The following C2CD2L variants were observed in gnomAD, a reference collection of about 807,000 sequenced individuals.
The protein encoded by C2CD2L is C2CD2 like.
In C2CD2L, 24 loss-of-function variants were observed where a neutral mutation model predicts 69.9. The ratio of observed to expected loss-of-function variants is 0.34; its 90% CI spans 0.25 to 0.48. C2CD2L has a LOEUF of 0.48. Among genes scored for constraint, C2CD2L ranks in the 20% least tolerant of loss-of-function variants. The pLI is 0.99. For synonymous variants in C2CD2L, 367 were observed against 391.0 expected (o/e 0.94, Z 0.72); for missense variants, 811 against 941.5 (o/e 0.86, Z 1.81).
At position 119,114,258 on chromosome 11, in the gene C2CD2L, A is replaced by T. The variant is rs1302859221; in HGVS notation, c.1802A>T (p.Asp601Val). 6.2e-7 allele frequency: 1 copy of T among 1,614,128 alleles called. No homozygotes were observed. The highest frequency in any genetic ancestry group is 8.5e-7 in the Non-Finnish European group (1 of 1,179,998). ...AGTCCCACAAGTGTCCAGGAAGCAGACGAGACAACCCGTTCGGATATTTCT... is the reference window on the plus strand; with the variant it reads ...AGTCCCACAAGTGTCCAGGAAGCAGTCGAGACAACCCGTTCGGATATTTCT... ...LSSPTSVQEADETTRSDISER... is the reference protein window; with the variant it reads ...LSSPTSVQEAVETTRSDISER... The change falls in exon 13 of 14, where the codon GAC (aspartate) becomes GTC (valine). Residue 601 changes from aspartate (D) to valine (V), a missense_variant. Asp to Val is a radical substitution (Grantham distance 152, BLOSUM62 -3). Transcript: ENST00000648610. This position sits in a 1 kb window ranked among gnomAD's most constrained non-coding sequence, Gnocchi z 5.1.
chr11:119,108,189 A>G (rs1423416992), intron 1 of C2CD2L, 94 bp downstream of exon 1: 1 of 790,652 alleles, frequency 1.3e-6, no homozygotes, highest in Non-Finnish European at 2.0e-6. Context: ...GAGGGTGGGC[A>G]TAAACTGGGG....
At chr11:119,115,347 G>C (rs1324264046) in intron 13 of C2CD2L, 1 of 152,010 alleles carries the variant, frequency 6.6e-6, no homozygotes, top group Non-Finnish European at 1.5e-5. Flanking sequence ...TTATCCATCT[G>C]GCAGCAAGAC....
In C2CD2L at chr11:119,109,901, T is replaced by C. The variant is rs922460616; in HGVS notation, c.355-203T>C. On this transcript the variant is annotated intron_variant, in intron 1 of 13. Transcript: ENST00000648610. The surrounding 1 kb of genome is among the most constrained non-coding windows in gnomAD (Gnocchi z 5.1). ...GGTGGACTACCTCCCCATTGCTCAG[T>C]GGCTCCTAGCAGCTACAGGCCCCTG... Among the ~76,000 whole-genome samples, 1 of 151,966 alleles carries C rather than the reference T, an allele frequency of 6.6e-6. No homozygotes were observed. Among genetic ancestry groups the C allele is most frequent in the Admixed American group, 6.6e-5 (1 of 15,266 alleles).
chr11:119,113,587 C>T (rs1946805717), intron 10 of C2CD2L, 24 bp from the exon 11 acceptor site: 2 of 1,603,424 alleles, frequency 1.2e-6, no homozygotes, highest in Admixed American at 1.7e-5. Flanking sequence ...ACTCCCAGCT[C>T]ACTGACCCTC....
rs1460840236 is a variant in C2CD2L at position 119,117,937 on chromosome 11, A to G, written c.*1681A>G. 2.0e-5 allele frequency: 3 copies of G among 152,190 alleles called. No individual in the cohort carries two copies. Among genetic ancestry groups the G allele is most frequent in the South Asian group, 2.1e-4 (1 of 4,830 alleles). The allele number at this position is 152,190 out of a possible 1,614,324, so 9.4% of individuals were successfully genotyped here. A position where few individuals can be genotyped will look rare whatever the true frequency, so the allele number is the denominator to read the frequency against. ...AGGTCACTTCCAGCCTTGACATTCT[A>G]TGACTACCTATATCTCAGGGTGTTT... On this transcript the variant is annotated 3_prime_UTR_variant, in exon 14 of 14. Coordinates refer to ENST00000648610, the MANE Select transcript of C2CD2L (RefSeq NM_001290474.2).
At position 119,107,632 on chromosome 11, in the gene C2CD2L, G is replaced by A; in HGVS notation, c.-110G>A. The A allele has an allele frequency of 1.8e-6, 1 of 565,204 alleles. No individual in the cohort carries two copies. The highest frequency in any genetic ancestry group is 3.8e-5 in the South Asian group (1 of 26,502). The allele number at this position is 565,204 out of a possible 1,614,324, so 35.0% of individuals were successfully genotyped here. On this transcript the variant is annotated 5_prime_UTR_variant, in exon 1 of 14. Coordinates refer to ENST00000648610, the MANE Select transcript of C2CD2L (RefSeq NM_001290474.2). The surrounding 1 kb of genome is among the most constrained non-coding windows in gnomAD (Gnocchi z 5.4). The stretch of plus-strand genomic sequence containing the variant: ...AGCCGCGGAGAGCCCCCGACCCCGC[G>A]CGCCCAGCCCCGGGGGAGCCCACCT...
rs201774483 is a variant in C2CD2L, at chr11:119,110,672, C to A, written c.562C>A (p.Pro188Thr). Residue 188 changes from proline to threonine, a missense_variant, in exon 3 of 14, where the codon CCA becomes ACA. By Grantham distance (38) the Pro-to-Thr change is conservative (BLOSUM62 -1). Transcript: ENST00000648610. This position sits in a 1 kb window ranked among gnomAD's most constrained non-coding sequence, Gnocchi z 5.7. The stretch of plus-strand genomic sequence containing the variant: ...CTACCACGTCACTCTGACACTGCCA[C>A]CAACACAGGTAGAAGGGGATGTGGG... ...ETYHVTLTLPPTQLEVNLEEI... is the reference protein window; with the variant it reads ...ETYHVTLTLPTTQLEVNLEEI... The A allele has an allele frequency of 2.2e-4, 362 of 1,613,910 alleles. No homozygotes were observed. The highest frequency in any genetic ancestry group is 2.9e-4 in the Non-Finnish European group (347 of 1,180,018).
chr11:119,108,785 G>A (rs1946660147), intron 1 of C2CD2L, among the ~76,000 whole-genome samples: 2 of 152,230 alleles, frequency 1.3e-5, no homozygotes, highest in Non-Finnish European at 2.9e-5. Flanking sequence ...ATGGAGATAA[G>A]GTGGGAGGTA....
In C2CD2L at chr11:119,110,718, G is replaced by A. The variant is rs753471771; in HGVS notation, c.570+38G>A. 5.7e-5 allele frequency: 92 copies of A among 1,611,896 alleles called. No individual in the cohort carries two copies. In the South Asian group the frequency reaches 8.7e-4, roughly 15 times the overall value. On this transcript the variant is annotated intron_variant, in intron 3 of 13. Transcript: ENST00000648610. This position sits in a 1 kb window ranked among gnomAD's most constrained non-coding sequence, Gnocchi z 5.7. ...GTGGGAAACTGAGTTGGGCAGGGGC[G>A]GTTCCATTGGCTCAGCTTCTTCCAT...
upstream of C2CD2L, among the ~76,000 whole-genome samples, chr11:119,104,381 A>G (rs1946551374): frequency 6.6e-6 from 1 of 152,086 alleles, no homozygotes; most frequent in Admixed American, 6.5e-5. Context: ...CCTCCCTACC[A>G]CCACCCTCCT....
rs552870663 is a variant in C2CD2L at position 119,116,760 on chromosome 11, C to G, written c.*504C>G. The G allele has an allele frequency of 1.7e-4, 27 of 161,204 alleles. No individual in the cohort carries two copies. The highest frequency in any genetic ancestry group is 1.7e-4 in the Non-Finnish European group (12 of 72,088). 10.0% of individuals were successfully genotyped at this position (161,204 alleles called of 1,614,324 possible). On this transcript the variant is annotated 3_prime_UTR_variant, in exon 14 of 14. Transcript: ENST00000648610. The stretch of plus-strand genomic sequence containing the variant: ...ACCTCCCTCAGGTCCCCACTCAGAC[C>G]AGCACCAGTGTCTGCCTCTGAGAAT...
chr11:119,102,386 C>A, upstream of C2CD2L: 1 of 465,632 alleles, frequency 2.1e-6, no homozygotes, highest in Admixed American at 2.4e-5. Flanking sequence ...GTAAACACAA[C>A]TCAGTTCCCG....
At chr11:119,115,254 CAAAAAAAAA>C (rs61085631) in intron 13 of C2CD2L, 2 of 113,810 alleles carry the variant, frequency 1.8e-5, no homozygotes, top group Non-Finnish European at 1.9e-5. Flanking sequence ...GACTCTGTCT[CAAAAAAAAA>C]AAAAAAAAAA....
At position 119,113,722 on chromosome 11, in the gene C2CD2L, G is replaced by C; in HGVS notation, c.1489+10G>C. On this transcript the variant is annotated intron_variant, in intron 11 of 13. Coordinates refer to ENST00000648610, the MANE Select transcript of C2CD2L (RefSeq NM_001290474.2). ...TCCCATAGCAGCAGCCGTGAGTGGGGAATGGGGTGCATGAGTGTGGGTTGG... is the reference window on the plus strand; with the variant it reads ...TCCCATAGCAGCAGCCGTGAGTGGGCAATGGGGTGCATGAGTGTGGGTTGG... 1 of 1,614,030 alleles carries C rather than the reference G, an allele frequency of 6.2e-7. No homozygotes were observed. The highest frequency in any genetic ancestry group is 8.5e-7 in the Non-Finnish European group (1 of 1,179,892).
At position 119,111,184 on chromosome 11, in the gene C2CD2L, AAGCAAAAG is replaced by A; in HGVS notation, c.798+18_798+25del. 1 of 1,612,728 alleles carries A rather than the reference AAGCAAAAG, an allele frequency of 6.2e-7. No individual in the cohort carries two copies. The highest frequency in any genetic ancestry group is 8.5e-7 in the Non-Finnish European group (1 of 1,178,844). On this transcript the variant is annotated intron_variant, in intron 5 of 13. Coordinates refer to ENST00000648610, the MANE Select transcript of C2CD2L (RefSeq NM_001290474.2). ...AGGAGGCCTGGTGAGTTGGCACCCA[AAGCAAAAG>A]ATTTGCATGCACCTTGTTCCTAGGG...
chr11:119,104,035 G>A (rs1308516248), upstream of C2CD2L, among the ~76,000 whole-genome samples: 1 of 152,174 alleles, frequency 6.6e-6, no homozygotes, highest in Non-Finnish European at 1.5e-5. Context: ...GAGGACTGAG[G>A]GCAATAGGTG....
At position 119,108,050 on chromosome 11, in the gene C2CD2L, G is replaced by C. The variant is rs1199619172; in HGVS notation, c.309G>C (p.Gln103His). ...FAFKSFRENWQRAWVRALNEQ... is the reference protein window; with the variant it reads ...FAFKSFRENWHRAWVRALNEQ... ...TCAAGTCTTTCCGGGAGAACTGGCA[G>C]CGGGCTTGGGTGCGAGCGCTGAACG... Residue 103 changes from glutamine (Q) to histidine (H), a missense_variant, in exon 1 of 14, where the codon CAG (glutamine) becomes CAC (histidine). Gln to His is a conservative substitution (Grantham distance 24, BLOSUM62 0). Coordinates refer to ENST00000648610, the MANE Select transcript of C2CD2L (RefSeq NM_001290474.2). The C allele has an allele frequency of 3.1e-6, 5 of 1,599,632 alleles. No homozygotes were observed. The Admixed American group carries it at 8.5e-5, about 27-fold the overall frequency.
intron 10 of C2CD2L, chr11:119,113,207 T>G: frequency 2.4e-6 from 1 of 413,162 alleles, no homozygotes; most frequent in Non-Finnish European, 4.4e-6. Flanking sequence ...TCCATCCTGC[T>G]ACCCTCAGCC....
chr11:119,111,409 C>T (rs769868088), intron 6 of C2CD2L, 35 bp downstream of exon 6: 1 of 1,605,646 alleles, frequency 6.2e-7, no homozygotes, highest in African/African-American at 1.3e-5. Flanking sequence ...ACTGCCAAGG[C>T]TATGGTTGGT....
Sources: allele counts gnomAD v4.1 joint callset (sites outside exome capture counted in the v4.1 genomes callset), GRCh38; gene constraint gnomAD v4.1.1; non-coding constraint Gnocchi (gnomAD v3.1); transcripts MANE v1.5; gene names NCBI Gene and HGNC (gene_info 2026-07-23, HGNC 2026-07-21).